USP54: variants seen among roughly 807,000 people sequenced by gnomAD.
USP54 encodes the protein ubiquitin specific peptidase 54.
Under a neutral mutation model 170.5 loss-of-function variants are expected in USP54, and 87 were observed. The observed-to-expected ratio is 0.51, with a 90% CI of 0.43 to 0.61. The LOEUF is 0.61. Ranked by LOEUF, USP54 falls within the 20% of genes least tolerant of loss-of-function variation. The pLI is 0.00. For synonymous variants in USP54, 655 were observed against 742.8 expected (o/e 0.88, Z 1.92); for missense variants, 1,786 against 2,047.8 (o/e 0.87, Z 2.47).
At chr10:73,622,335 T>C in intron 1 of USP54, among the ~76,000 whole-genome samples, 1 of 146,246 alleles carries the variant, frequency 6.8e-6, no homozygotes, top group East Asian at 2.1e-4. Context: ...TATTTATTTA[T>C]TTATTTTGAG....
chr10:73,508,551 G>C (rs547603654), intron 20 of USP54, among the ~76,000 whole-genome samples: 3 of 152,050 alleles, frequency 2.0e-5, no homozygotes, highest in Non-Finnish European at 4.4e-5. Flanking sequence ...CTGATATGAT[G>C]TAAGAAATAC....
rs114481886 is a variant in USP54, at chr10:73,617,889, A to G, written c.-18+7678T>C. Among the ~76,000 whole-genome samples, 250 of 150,194 alleles carry G rather than the reference A, an allele frequency of 1.7e-3. 23 individuals are homozygous for G. Among genetic ancestry groups the G allele is most frequent in the African/African-American group, 6.1e-3 (241 of 39,612 alleles). ...TGCACTGCACTCCAGCCTAGGCAAC[A>G]AAGACCCTGTCTTAAGAAATAAAAA... On this transcript the variant is annotated intron_variant, in intron 1 of 22. Coordinates refer to the USP54 transcript ENST00000339859.
upstream of USP54, among the ~76,000 whole-genome samples, chr10:73,592,663 C>A (rs553666072): frequency 6.6e-6 from 1 of 152,232 alleles, no homozygotes. Context: ...GCTCTTCAAT[C>A]AAGTCATTAA....
At chr10:73,588,907 C>G (rs1403424775) in intron 1 of USP54, among the ~76,000 whole-genome samples, 2 of 152,220 alleles carry the variant, frequency 1.3e-5, no homozygotes, top group African/African-American at 4.8e-5. Context: ...AGTCATACCA[C>G]TGGCTACTTA....
chr10:73,561,901 A>C (rs1231368294), intron 4 of USP54, among the ~76,000 whole-genome samples: 1 of 152,196 alleles, frequency 6.6e-6, no homozygotes, highest in African/African-American at 2.4e-5. Flanking sequence ...AAAAAGACTT[A>C]CTACCAGAAA....
intron 20 of USP54, chr10:73,506,032 C>G (rs942076961): frequency 1.3e-5 from 2 of 152,174 alleles, no homozygotes; most frequent in African/African-American, 4.8e-5. Context: ...TTTTCTAACA[C>G]AGTGATTTTC....
At chr10:73,536,170 A>G in intron 11 of USP54, 99 bp downstream of exon 11, 1 of 1,495,402 alleles carries the variant, frequency 6.7e-7, no homozygotes, top group Non-Finnish European at 9.1e-7. Context: ...CTCTTTCTCC[A>G]AGCTAGGTTA....
chr10:73,595,592 T>C (rs1196840452), upstream of USP54, among the ~76,000 whole-genome samples: 6 of 152,232 alleles, frequency 3.9e-5, no homozygotes, highest in Admixed American at 3.9e-4. Context: ...CATTTGGGCT[T>C]CTAATTATAG....
chr10:73,598,141 T>C (rs2078879975), intron 1 of USP54, among the ~76,000 whole-genome samples: 1 of 152,176 alleles, frequency 6.6e-6, no homozygotes. Context: ...AACAGAATTA[T>C]GTTCCAATTA....
chr10:73,584,421 A>C (rs762185784), intron 1 of USP54, among the ~76,000 whole-genome samples: 7 of 151,982 alleles, frequency 4.6e-5, no homozygotes, highest in Non-Finnish European at 8.8e-5. Context: ...GTAGTTTGTG[A>C]TCCTACAATC....
Position 73,541,540 on chromosome 10 carries a change from G to A in USP54, c.679-19C>T, listed in dbSNP as rs375538999. On this transcript the variant is annotated intron_variant, in intron 8 of 23. Coordinates refer to ENST00000687698, the MANE Select transcript of USP54 (RefSeq NM_001391956.1). ...AGTTGCTCTGAAATACATATATAAG[G>A]CTAGTTCAACATGTTTCCCACTGGC... is the stretch of plus-strand genomic sequence containing the variant. The A allele has an allele frequency of 1.8e-5, 29 of 1,613,844 alleles. No individual in the cohort carries two copies. The highest frequency in any genetic ancestry group is 1.5e-4 in the African/African-American group (11 of 75,008).
intron 20 of USP54, among the ~76,000 whole-genome samples, chr10:73,511,339 AT>A (rs112878419): frequency 0.02 from 2,940 of 144,340 alleles, 83 homozygotes; most frequent in African/African-American, 0.061. Flanking sequence ...TCAATAAAGC[AT>A]TTTTTTTTTT....
chr10:73,528,760 A>C lies in USP54; in HGVS notation c.2060+920T>G, dbSNP rs77843730. Among the ~76,000 whole-genome samples, 1,366 of 152,262 alleles carry C rather than the reference A, an allele frequency of 9.0e-3. 33 individuals carry two copies. Among genetic ancestry groups the C allele is most frequent in the African/African-American group, 0.031 (1,277 of 41,552 alleles). ...AATTTTTGTGCTAGCCTGGGATTACAGGCGTGAGCCAACATGCCTGACCTA... is the reference window on the plus strand; with the variant it reads ...AATTTTTGTGCTAGCCTGGGATTACCGGCGTGAGCCAACATGCCTGACCTA... On this transcript the variant is annotated intron_variant, in intron 15 of 23. Coordinates refer to ENST00000687698, the MANE Select transcript of USP54 (RefSeq NM_001391956.1).
chr10:73,609,982 C>A (rs1247065810), intron 1 of USP54, among the ~76,000 whole-genome samples: 3 of 151,394 alleles, frequency 2.0e-5, no homozygotes, highest in Non-Finnish European at 4.4e-5. Flanking sequence ...TGCACTCCAG[C>A]CTTGGTGATA....
At chr10:73,524,516 G>C (rs951657148) in intron 16 of USP54, among the ~76,000 whole-genome samples, 5 of 152,046 alleles carry the variant, frequency 3.3e-5, no homozygotes, top group Admixed American at 6.5e-5. Context: ...GGAGGTGGAG[G>C]TTGCAGTGAG....
rs146089046 is a variant in USP54 at position 73,516,924 on chromosome 10, A to G, written c.3502T>C (p.Ser1168Pro). 3.7e-6 allele frequency: 6 copies of G among 1,614,074 alleles called. No individual in the cohort carries two copies. Among genetic ancestry groups the G allele is most frequent in the African/African-American group, 2.7e-5 (2 of 74,934 alleles). The change falls in exon 20 of 24, where the codon TCT becomes CCT. Residue 1168 changes from serine to proline, a missense_variant. Physicochemically the swap from Ser to Pro is moderately conservative, Grantham distance 74 (BLOSUM62 -1). This residue lies in a region of USP54 where 1,418 missense variants were observed against 1,569.0 expected (regional missense o/e 0.90). Transcript: ENST00000687698. ...TGACCCTGTGAGAAAGGAGGCTTAG[A>G]ATCAGAAGGGGAAGAGTTCTTCCTT... ...SLRKNSSPSD[S>P]KPPFSQGQEK...
At chr10:73,503,444 A>T (rs182615211) in intron 22 of USP54, among the ~76,000 whole-genome samples, 19 of 152,356 alleles carry the variant, frequency 1.2e-4, no homozygotes, top group Non-Finnish European at 2.1e-4. Flanking sequence ...ACACTCAATA[A>T]GCACTTATTT....
Position 73,504,983 on chromosome 10 carries a change from G to A in USP54, c.4178C>T (p.Pro1393Leu), listed in dbSNP as rs774977366. Residue 1393 changes from proline to leucine, a missense_variant, in exon 22 of 24, where the codon CCT (proline) becomes CTT (leucine). Physicochemically the swap from Pro to Leu is moderately conservative, Grantham distance 98. Around this residue, in one of 3 missense-constraint regions of USP54, gnomAD observed 1,418 missense variants for 1,569.0 expected, o/e 0.90. Transcript: ENST00000687698. ...ACACTCCCTGCTGAGGCCTCGGCAA[G>A]GTGTAGCCTTCAAACACACAGACAC... ...ARTVRTSQATPCRGLSRECGE... is the reference protein window; with the variant it reads ...ARTVRTSQATLCRGLSRECGE... 1.1e-5 allele frequency: 17 copies of A among 1,614,006 alleles called. No homozygotes were observed. Among genetic ancestry groups the A allele is most frequent in the East Asian group, 2.2e-5 (1 of 44,892 alleles).
chr10:73,556,595 C>T (rs771743230), intron 4 of USP54, among the ~76,000 whole-genome samples: 6 of 152,112 alleles, frequency 3.9e-5, no homozygotes, highest in Non-Finnish European at 5.9e-5. Context: ...CCACCCGTCT[C>T]GGCCTCCCAA....
Sources: allele counts gnomAD v4.1 joint callset (sites outside exome capture counted in the v4.1 genomes callset), GRCh38; gene constraint gnomAD v4.1.1; regional missense constraint gnomAD v4.1.1; transcripts MANE v1.5; gene names NCBI Gene and HGNC (gene_info 2026-07-23, HGNC 2026-07-21).